Variants in EIF5B observed in about 807,000 individuals in gnomAD.
EIF5B encodes the protein eIF-5B.
EIF5B carries 47 observed loss-of-function variants against 147.5 expected under a neutral mutation model. The ratio of observed to expected loss-of-function variants is 0.32; its 90% CI spans 0.25 to 0.41. The LOEUF is 0.41. Among genes scored for constraint, EIF5B ranks in the 10% least tolerant of loss-of-function variants. EIF5B has a pLI of 1.00. For synonymous variants in EIF5B, 455 were observed against 456.2 expected (o/e 1.00, Z 0.03); for missense variants, 1,064 against 1,413.2 (o/e 0.75, Z 3.96).
chr2:99,394,897 T>TTTATTTACTTTGAGTCA lies in EIF5B; in HGVS notation c.3254+30_3254+31insATTATTTACTTTGAGTC. On this transcript the variant is annotated intron_variant, in intron 21 of 23. Transcript: ENST00000289371. The stretch of plus-strand genomic sequence containing the variant: ...AGAAGAATTTAAGTAAGTTACTGTT[T>TTTATTTACTTTGAGTCA]TTATTTACTTTGAGTCTTTGTTAAT... The TTTATTTACTTTGAGTCA allele has an allele frequency of 1.3e-6, 2 of 1,550,788 alleles. No individual in the cohort carries two copies. Among genetic ancestry groups the TTTATTTACTTTGAGTCA allele is most frequent in the Non-Finnish European group, 1.7e-6 (2 of 1,143,960 alleles).
At chr2:99,363,002 A>C (rs889767230) in intron 4 of EIF5B, among the ~76,000 whole-genome samples, 1 of 151,956 alleles carries the variant, frequency 6.6e-6, no homozygotes, top group African/African-American at 2.4e-5. Flanking sequence ...CAGGTGATCC[A>C]TGCACCTCAG....
At chr2:99,381,585 A>G (rs1276972102) in intron 12 of EIF5B, among the ~76,000 whole-genome samples, 2 of 150,010 alleles carry the variant, frequency 1.3e-5, no homozygotes, top group African/African-American at 4.9e-5. Flanking sequence ...TTTTTAGACT[A>G]AAAGGGAATG....
At chr2:99,358,993 T>C (rs1006922671) in intron 1 of EIF5B, among the ~76,000 whole-genome samples, 1 of 152,246 alleles carries the variant, frequency 6.6e-6, no homozygotes, top group Non-Finnish European at 1.5e-5. Flanking sequence ...GGCTAAATTC[T>C]ATATCCTCAA....
intron 1 of EIF5B, chr2:99,338,209 C>T (rs1389792109): frequency 3.9e-6 from 3 of 777,408 alleles, no homozygotes; most frequent in Non-Finnish European, 5.7e-6. Flanking sequence ...CTAGCCTTCC[C>T]CTAAGAAAGG....
chr2:99,345,591 CAA>C (rs34437423), intron 1 of EIF5B, among the ~76,000 whole-genome samples: 19 of 33,156 alleles, frequency 5.7e-4, no homozygotes, highest in African/African-American at 9.5e-4. Flanking sequence ...GAGACTGTCT[CAA>C]AAAAAAAAAA....
intron 17 of EIF5B, among the ~76,000 whole-genome samples, chr2:99,391,485 C>G (rs2104248712): frequency 6.6e-6 from 1 of 152,266 alleles, no homozygotes; most frequent in South Asian, 2.1e-4. Context: ...GGGAAGCAAC[C>G]AGATGGAGAA....
chr2:99,363,004 G>A (rs1674252510), intron 4 of EIF5B, among the ~76,000 whole-genome samples: 1 of 151,920 alleles, frequency 6.6e-6, no homozygotes, highest in African/African-American at 2.4e-5. Context: ...GGTGATCCAT[G>A]CACCTCAGCC....
Position 99,364,428 on chromosome 2 carries a change from G to A in EIF5B, c.1288+7G>A. 1.3e-6 allele frequency: 2 copies of A among 1,578,328 alleles called. No individual in the cohort carries two copies. Among genetic ancestry groups the A allele is most frequent in the Non-Finnish European group, 1.7e-6 (2 of 1,168,254 alleles). On this transcript the variant is annotated splice_region_variant and intron_variant, in intron 6 of 23. Coordinates refer to ENST00000289371, the MANE Select transcript of EIF5B (RefSeq NM_015904.4). ...AAACTGCTACAAGCTCAGGGTGAGT[G>A]GTACTCTTCATTAACTGAATGGTCA...
chr2:99,381,672 T>G (rs571256031), intron 12 of EIF5B, among the ~76,000 whole-genome samples: 8 of 152,134 alleles, frequency 5.3e-5, no homozygotes, highest in Non-Finnish European at 1.2e-4. Context: ...TTTATGACGT[T>G]ATTTGAATAC....
chr2:99,351,701 T>G (rs1294192057), intron 1 of EIF5B, among the ~76,000 whole-genome samples: 1 of 152,164 alleles, frequency 6.6e-6, no homozygotes, highest in Non-Finnish European at 1.5e-5. Flanking sequence ...TTTTTTTGTT[T>G]GTTTGTTTGT....
intron 22 of EIF5B, chr2:99,397,993 G>A (rs1675095373): frequency 6.6e-6 from 1 of 151,068 alleles, no homozygotes; most frequent in Non-Finnish European, 1.5e-5. Context: ...TTTCTATTGT[G>A]GTCAGTAGGA....
chr2:99,362,243 G>A (rs1674231213), intron 4 of EIF5B, among the ~76,000 whole-genome samples: 1 of 152,040 alleles, frequency 6.6e-6, no homozygotes, highest in Admixed American at 6.5e-5. Flanking sequence ...AATATTTTCT[G>A]CTTCACTTAA....
At chr2:99,385,336 C>A (rs539096902) in intron 14 of EIF5B, among the ~76,000 whole-genome samples, 1 of 152,172 alleles carries the variant, frequency 6.6e-6, no homozygotes, top group African/African-American at 2.4e-5. Flanking sequence ...TGAGCCACTG[C>A]GCCCAGCCAA....
At chr2:99,355,610 G>GTTTTTTTTTT (rs67037124) in intron 1 of EIF5B, among the ~76,000 whole-genome samples, 1 of 98,614 alleles carries the variant, frequency 1.0e-5, no homozygotes, top group Non-Finnish European at 2.0e-5. Context: ...TGTTTTTTGG[G>GTTTTTTTTTT]TTTTTTTTTT....
At chr2:99,396,084 CAGTGATGATAGG>C (rs1210661246) in intron 21 of EIF5B, among the ~76,000 whole-genome samples, 1 of 152,072 alleles carries the variant, frequency 6.6e-6, no homozygotes, top group African/African-American at 2.4e-5. Context: ...ATTCAGACCA[CAGTGATGATAGG>C]AGTGATGGCG....
intron 1 of EIF5B, among the ~76,000 whole-genome samples, chr2:99,352,048 C>A (rs550563911): frequency 1.4e-4 from 22 of 152,182 alleles, no homozygotes; most frequent in African/African-American, 5.3e-4. Context: ...AACATCTTGT[C>A]ATGTGTTTGT....
At chr2:99,394,643 C>A in intron 20 of EIF5B, 58 bp downstream of exon 20, 1 of 1,611,360 alleles carries the variant, frequency 6.2e-7, no homozygotes, top group Non-Finnish European at 8.5e-7. Context: ...TTAAAACTGT[C>A]CTATCTTAAA....
rs1440275767 is a variant in EIF5B at position 99,394,559 on chromosome 2, T to G, written c.3063T>G (p.Ala1021=). The change falls in exon 20 of 24, where the codon GCT becomes GCG. Residue 1021 remains alanine (A), a synonymous_variant. Transcript: ENST00000289371. ...GPVHKKDVMK[A]SVMLEHDPQY... ...TGCATAAAAAAGATGTTATGAAGGC[T>G]TCAGTGATGTTGGAACATGACCCTC... 1 of 1,614,228 alleles carries G rather than the reference T, an allele frequency of 6.2e-7. No homozygotes were observed. Among genetic ancestry groups the G allele is most frequent in the Non-Finnish European group, 8.5e-7 (1 of 1,180,040 alleles).
intron 9 of EIF5B, among the ~76,000 whole-genome samples, chr2:99,372,502 C>A (rs1424675633): frequency 6.6e-6 from 1 of 152,158 alleles, no homozygotes; most frequent in African/African-American, 2.4e-5. Flanking sequence ...CCACGCCCAG[C>A]TAATTTTGTA....
Sources: gnomAD v4.1 joint callset for allele counts (sites outside exome capture counted in the v4.1 genomes callset) on GRCh38, gnomAD v4.1.1 for gene constraint, MANE v1.5 for transcripts, NCBI Gene and HGNC (gene_info 2026-07-23, HGNC 2026-07-21) for gene names.